CNTNAP2: variants seen among roughly 807,000 people sequenced by gnomAD.
CNTNAP2 encodes contactin-associated protein-like 2.
Under a neutral mutation model 155.2 loss-of-function variants are expected in CNTNAP2, and 98 were observed. The observed-to-expected ratio is 0.63, with a 90% confidence interval of 0.54 to 0.75. The LOEUF (loss-of-function observed/expected upper bound fraction) is 0.75, where lower values mean the gene tolerates loss of function less well. Ranked by LOEUF, CNTNAP2 falls within the 30% of genes least tolerant of loss-of-function variation. The probability of loss-of-function intolerance (pLI) is 0.00; values close to 1 mark genes in which losing one functional copy is unlikely to be tolerated. For synonymous variants in CNTNAP2, 651 were observed against 631.2 expected, an observed-to-expected ratio of 1.03 and a Z score of -0.47; for missense variants, 1,727 against 1,688.1, an observed-to-expected ratio of 1.02 and a Z score of -0.40.
chr7:146,953,434 C>T (rs984010493), intron 3 of CNTNAP2, among the ~76,000 whole-genome samples: 8 of 151,796 alleles, frequency 5.3e-5, no homozygotes, highest in Admixed American at 4.6e-4. Context: ...AAATAAAAAG[C>T]GATGACATCT....
intron 21 of CNTNAP2, among the ~76,000 whole-genome samples, chr7:148,277,099 T>C (rs1796882691): frequency 6.7e-6 from 1 of 148,998 alleles, no homozygotes; most frequent in African/African-American, 2.6e-5. Context: ...GGGGACCAGG[T>C]GTACAGAATA....
At chr7:148,343,041 T>C (rs1167385154) in intron 21 of CNTNAP2, among the ~76,000 whole-genome samples, 10 of 152,340 alleles carry the variant, frequency 6.6e-5, no homozygotes, top group Non-Finnish European at 1.3e-4. Context: ...GAAAGTTCCA[T>C]TGTGGGCCAC....
intron 8 of CNTNAP2, among the ~76,000 whole-genome samples, chr7:147,263,344 G>C (rs1804535224): frequency 6.7e-6 from 1 of 150,140 alleles, no homozygotes; most frequent in African/African-American, 2.5e-5. Context: ...CTGGGTGACA[G>C]AGGGAGACCC....
chr7:146,594,311 C>T (rs189461543), intron 1 of CNTNAP2, among the ~76,000 whole-genome samples: 215 of 152,194 alleles, frequency 1.4e-3, no homozygotes, highest in Non-Finnish European at 2.4e-3. Context: ...CCATATGTAG[C>T]CTTCCAGGCT....
chr7:147,266,594 T>C (rs982522044), intron 8 of CNTNAP2, among the ~76,000 whole-genome samples: 1 of 152,192 alleles, frequency 6.6e-6, no homozygotes. Flanking sequence ...CAGCATTCTG[T>C]TCACTGAGAA....
chr7:147,509,897 G>A (rs768690524), intron 11 of CNTNAP2, among the ~76,000 whole-genome samples: 5 of 152,010 alleles, frequency 3.3e-5, no homozygotes, highest in African/African-American at 7.2e-5. Context: ...ACTGAACTTC[G>A]ATACCACCAG....
At chr7:147,889,465 C>G (rs1448477641) in intron 13 of CNTNAP2, among the ~76,000 whole-genome samples, 1 of 151,808 alleles carries the variant, frequency 6.6e-6, no homozygotes, top group Admixed American at 6.6e-5. Context: ...TTCCAAAAAG[C>G]TATTGTGAGC....
intron 3 of CNTNAP2, among the ~76,000 whole-genome samples, chr7:146,886,430 G>T: frequency 6.6e-6 from 1 of 151,780 alleles, no homozygotes; most frequent in East Asian, 1.9e-4. Context: ...ATTCTTTTTG[G>T]TAGATATCTC....
At chr7:148,169,010 C>T (rs554841357) in intron 17 of CNTNAP2, among the ~76,000 whole-genome samples, 25 of 152,096 alleles carry the variant, frequency 1.6e-4, no homozygotes, top group Admixed American at 9.8e-4. Flanking sequence ...AAACTTTCAT[C>T]GGGAAAAAGA....
chr7:148,095,712 T>C (rs1002948283), intron 15 of CNTNAP2, among the ~76,000 whole-genome samples: 2 of 152,172 alleles, frequency 1.3e-5, no homozygotes, highest in Non-Finnish European at 2.9e-5. Context: ...AAGAGCACCA[T>C]CGGGGAAAAA....
chr7:147,227,561 C>T (rs2132593), intron 8 of CNTNAP2, among the ~76,000 whole-genome samples: 63,802 of 151,874 alleles, frequency 0.42, 13,860 homozygotes, highest in African/African-American at 0.45. Context: ...CTGAATACGA[C>T]GTGTTAACAG....
chr7:147,315,613 C>G (rs1171393127), intron 9 of CNTNAP2, among the ~76,000 whole-genome samples: 1 of 151,492 alleles, frequency 6.6e-6, no homozygotes, highest in Non-Finnish European at 1.5e-5. Context: ...TCCTGAGTAG[C>G]TGGGACTACA....
intron 4 of CNTNAP2, among the ~76,000 whole-genome samples, chr7:147,093,984 A>T: frequency 6.6e-6 from 1 of 152,230 alleles, no homozygotes; most frequent in East Asian, 1.9e-4. Flanking sequence ...GGTTCTCTGC[A>T]GTAGCCCCAC....
At chr7:148,321,807 A>G (rs1797793424) in intron 21 of CNTNAP2, among the ~76,000 whole-genome samples, 1 of 152,194 alleles carries the variant, frequency 6.6e-6, no homozygotes, top group African/African-American at 2.4e-5. Context: ...GTAAAAGAAG[A>G]GAGGAAAGAG....
At chr7:147,955,263 A>T (rs1411057358) in intron 14 of CNTNAP2, among the ~76,000 whole-genome samples, 3 of 152,206 alleles carry the variant, frequency 2.0e-5, no homozygotes, top group South Asian at 4.1e-4. Context: ...TCAGAATTTC[A>T]TGTATTAGAA....
rs1798043970 is a variant in CNTNAP2, at chr7:146,547,319, T to A, written c.98-226952T>A. ...AATTTACACATTGGAAGCCATTTTG[T>A]TTTTTAATTTTTATTTTTTGATTTT... On this transcript the variant is annotated intron_variant, in intron 1 of 23. Transcript: ENST00000361727. Among the ~76,000 whole-genome samples the A allele has an allele frequency of 3.3e-5, 5 of 152,126 alleles. No individual in the cohort carries two copies. The South Asian group carries it at 1.0e-3, about 32-fold the overall frequency.
chr7:146,193,683 C>T (rs1468306376), intron 1 of CNTNAP2, among the ~76,000 whole-genome samples: 1 of 152,218 alleles, frequency 6.6e-6, no homozygotes. Flanking sequence ...CTCCGAGATT[C>T]CCTAAAGACA....
At chr7:146,386,335 A>G (rs1795461500) in intron 1 of CNTNAP2, among the ~76,000 whole-genome samples, 1 of 152,190 alleles carries the variant, frequency 6.6e-6, no homozygotes, top group Admixed American at 6.6e-5. Flanking sequence ...GTTTAAAATT[A>G]AATCACTTGG....
At chr7:147,956,708 C>A (rs1801021650) in intron 14 of CNTNAP2, among the ~76,000 whole-genome samples, 1 of 152,142 alleles carries the variant, frequency 6.6e-6, no homozygotes, top group Non-Finnish European at 1.5e-5. Context: ...TCAGGAAAAG[C>A]TGAATATACA....
Sources: allele counts gnomAD v4.1 joint callset (sites outside exome capture counted in the v4.1 genomes callset), GRCh38; gene constraint gnomAD v4.1.1; transcripts MANE v1.5; gene names NCBI Gene and HGNC (gene_info 2026-07-23, HGNC 2026-07-21).